The following CCDC12 variants were observed in gnomAD, a reference collection of about 807,000 sequenced individuals.
The protein encoded by CCDC12 is coiled-coil domain-containing protein 12.
In CCDC12, 28 loss-of-function variants were observed where a neutral mutation model predicts 25.7. The observed-to-expected ratio is 1.09, with a 90% CI of 0.81 to 1.50. CCDC12 has a LOEUF of 1.50. CCDC12 is among the 40% of genes most tolerant of loss of function. CCDC12 has a pLI of 0.00. For missense variants in CCDC12, 198 were observed against 210.0 expected, an observed-to-expected ratio of 0.94 and a Z score of 0.35; for synonymous variants, 75 against 87.7, an observed-to-expected ratio of 0.86 and a Z score of 0.81.
chr3:46,933,659 A>T (rs1287861659), intron 2 of CCDC12, among the ~76,000 whole-genome samples: 2 of 152,234 alleles, frequency 1.3e-5, no homozygotes, highest in South Asian at 2.1e-4. Context: ...GAAAGCCCAT[A>T]GCTAGTGGGT....
At chr3:46,972,114 T>A (rs2034820879) in intron 1 of CCDC12, among the ~76,000 whole-genome samples, 1 of 152,152 alleles carries the variant, frequency 6.6e-6, no homozygotes, top group Non-Finnish European at 1.5e-5. Flanking sequence ...TAAAAATACA[T>A]GCAACAAAAT....
intron 2 of CCDC12, among the ~76,000 whole-genome samples, chr3:46,938,343 A>ACTGACAGGAGC (rs2107131659): frequency 6.6e-6 from 1 of 152,128 alleles, no homozygotes; most frequent in East Asian, 1.9e-4. Flanking sequence ...TCTAGAACTC[A>ACTGACAGGAGC]CTGACAGGAG....
chr3:46,954,198 G>A (rs954891523), intron 1 of CCDC12, among the ~76,000 whole-genome samples: 2 of 152,180 alleles, frequency 1.3e-5, no homozygotes, highest in Admixed American at 6.5e-5. Flanking sequence ...CTGAGGACAT[G>A]TGGCTGCTAC....
At chr3:46,946,533 C>T (rs901990485) in intron 1 of CCDC12, among the ~76,000 whole-genome samples, 12 of 152,256 alleles carry the variant, frequency 7.9e-5, no homozygotes, top group African/African-American at 2.9e-4. Flanking sequence ...GCAGAGCAGG[C>T]CCACATGGCT....
At chr3:46,964,167 C>A (rs1445813442) in intron 1 of CCDC12, among the ~76,000 whole-genome samples, 9 of 151,336 alleles carry the variant, frequency 5.9e-5, no homozygotes, top group East Asian at 3.9e-4. Context: ...AAGTGAGGAG[C>A]CCCTCCGCCT....
At chr3:46,944,496 T>C (rs527825460) in intron 1 of CCDC12, among the ~76,000 whole-genome samples, 1 of 152,162 alleles carries the variant, frequency 6.6e-6, no homozygotes, top group East Asian at 1.9e-4. Flanking sequence ...CCCAGGAATT[T>C]AGAGACACTT....
chr3:46,961,520 T>C (rs2034465203), intron 1 of CCDC12, among the ~76,000 whole-genome samples: 4 of 152,220 alleles, frequency 2.6e-5, no homozygotes, highest in Admixed American at 1.3e-4. Flanking sequence ...CAGGTCCTTG[T>C]CTTCCCTGGG....
At chr3:46,923,206 T>G in intron 5 of CCDC12, 123 bp downstream of exon 5, 1 of 1,010,878 alleles carries the variant, frequency 9.9e-7, no homozygotes, top group Non-Finnish European at 1.3e-6. Context: ...CTATCTCGTG[T>G]AACTCTATGT....
At chr3:46,979,089 CCT>C (rs1330209843), upstream of CCDC12, among the ~76,000 whole-genome samples, 12 of 152,158 alleles carry the variant, frequency 7.9e-5, no homozygotes, top group African/African-American at 2.9e-4. Context: ...GGGGGGAGCC[CCT>C]CCACTGGAGC....
rs142530829 is a variant in CCDC12, at chr3:46,948,814, G to A, written c.97-7749C>T. 6.0e-4 allele frequency among the ~76,000 whole-genome samples: 92 copies of A among 152,352 alleles called. No individual in the cohort carries two copies. In the South Asian group the frequency reaches 0.01, roughly 17 times the overall value. ...TCCTCCATGTGTCTGTCAGGAGTGTGGGGAGCCAGCCCAAGTCAACTCTGA... is the reference window on the plus strand; with the variant it reads ...TCCTCCATGTGTCTGTCAGGAGTGTAGGGAGCCAGCCCAAGTCAACTCTGA... On this transcript the variant is annotated intron_variant, in intron 1 of 6. Coordinates refer to ENST00000683445, the MANE Select transcript of CCDC12 (RefSeq NM_001277074.2).
intron 1 of CCDC12, among the ~76,000 whole-genome samples, chr3:46,960,682 G>A (rs2034436619): frequency 6.6e-6 from 1 of 152,116 alleles, no homozygotes; most frequent in South Asian, 2.1e-4. Context: ...ACAAAACCAG[G>A]GAGAAGCCAG....
intron 1 of CCDC12, among the ~76,000 whole-genome samples, chr3:46,960,338 T>A (rs7630904): frequency 2.0e-5 from 3 of 152,136 alleles, no homozygotes; most frequent in Non-Finnish European, 4.4e-5. Flanking sequence ...AGATGGAAGC[T>A]GCCTGAGTCA....
At chr3:46,936,318 G>A (rs886286487) in intron 2 of CCDC12, among the ~76,000 whole-genome samples, 3 of 152,060 alleles carry the variant, frequency 2.0e-5, no homozygotes, top group Non-Finnish European at 4.4e-5. Context: ...CCCAACTGTT[G>A]CCTTATTTGC....
chr3:46,971,938 A>G (rs111704080), intron 1 of CCDC12, among the ~76,000 whole-genome samples: 2 of 152,200 alleles, frequency 1.3e-5, no homozygotes, highest in African/African-American at 4.8e-5. Context: ...ATCTGGCCAC[A>G]GCAGGCAGTC....
rs536814577 is a variant in CCDC12 at position 46,940,698 on chromosome 3, G to A, written c.164+300C>T. On this transcript the variant is annotated intron_variant, in intron 2 of 6. Coordinates refer to ENST00000683445, the MANE Select transcript of CCDC12 (RefSeq NM_001277074.2). ...AAGGGGCACTTACTCAGTAGGCAATGGAGAACCACGCCACAAAAGGTGTAT... is the reference window on the plus strand; with the variant it reads ...AAGGGGCACTTACTCAGTAGGCAATAGAGAACCACGCCACAAAAGGTGTAT... 6.8e-5 allele frequency: 26 copies of A among 383,836 alleles called. No individual in the cohort carries two copies. In the South Asian group the frequency reaches 1.0e-3, roughly 15 times the overall value. 23.8% of individuals were successfully genotyped at this position (383,836 alleles called of 1,614,324 possible). A position where few individuals can be genotyped will look rare whatever the true frequency, so the allele number is the denominator to read the frequency against.
chr3:46,938,641 A>G (rs1000266128), intron 2 of CCDC12, among the ~76,000 whole-genome samples: 2 of 148,686 alleles, frequency 1.3e-5, no homozygotes, highest in African/African-American at 5.0e-5. Context: ...GCCTGAGCTC[A>G]GGAGTTTGAG....
rs376270283 is a variant in CCDC12, at chr3:46,938,860, G to GA, written c.164+2137dup. 2.9e-3 allele frequency among the ~76,000 whole-genome samples: 433 copies of GA among 148,242 alleles called. 3 individuals are homozygous for GA. The highest frequency in any genetic ancestry group is 9.0e-3 in the African/African-American group (363 of 40,470). ...GAGCGAGACCCCATCTCAAAAAAAA[G>GA]AAAAAAAAAATCACACATCATAGAG... On this transcript the variant is annotated intron_variant, in intron 2 of 6. Coordinates refer to ENST00000683445, the MANE Select transcript of CCDC12 (RefSeq NM_001277074.2).
chr3:46,948,582 C>T (rs1354916242), intron 1 of CCDC12, among the ~76,000 whole-genome samples: 5 of 152,212 alleles, frequency 3.3e-5, no homozygotes, highest in South Asian at 2.1e-4. Context: ...GGCATTCTAA[C>T]GGTGAGGCTT....
At chr3:46,924,376 G>A (rs1479698143) in intron 3 of CCDC12, among the ~76,000 whole-genome samples, 1 of 152,170 alleles carries the variant, frequency 6.6e-6, no homozygotes, top group Non-Finnish European at 1.5e-5. Context: ...ATCCCCCAGT[G>A]CACCATTACC....
Sources: gnomAD v4.1 joint callset for allele counts (sites outside exome capture counted in the v4.1 genomes callset) on GRCh38, gnomAD v4.1.1 for gene constraint, MANE v1.5 for transcripts, NCBI Gene and HGNC (gene_info 2026-07-23, HGNC 2026-07-21) for gene names.